Variants in SCRN1 observed in about 807,000 individuals in gnomAD.
SCRN1 encodes secernin 1.
SCRN1 carries 19 observed loss-of-function variants against 43.3 expected under a neutral mutation model. The ratio of observed to expected loss-of-function variants is 0.44; its 90% CI spans 0.31 to 0.64. The LOEUF is 0.64. Ranked by LOEUF, SCRN1 falls within the 30% of genes least tolerant of loss-of-function variation. SCRN1 has a pLI of 0.09. For synonymous variants in SCRN1, 183 were observed against 188.9 expected, an observed-to-expected ratio of 0.97 and a Z score of 0.26; for missense variants, 447 against 524.1, an observed-to-expected ratio of 0.85 and a Z score of 1.44.
intron 6 of SCRN1, among the ~76,000 whole-genome samples, chr7:29,935,625 T>C (rs1323624041): frequency 1.3e-5 from 2 of 152,224 alleles, no homozygotes; most frequent in African/African-American, 4.8e-5. Context: ...TCAAGGAATC[T>C]GTATTTTTTG....
chr7:29,959,774 G>C (rs1382539101), intron 2 of SCRN1, among the ~76,000 whole-genome samples: 1 of 152,018 alleles, frequency 6.6e-6, no homozygotes, highest in Non-Finnish European at 1.5e-5. Context: ...ACAATGCAAA[G>C]GTCTGAGATC....
Position 29,955,363 on chromosome 7 carries a change from G to GA in SCRN1, c.160-4dup, listed in dbSNP as rs34015878. ...TGGTCGATTGAAATGTAAGTGCACT[G>GA]AAAAACAAACACAGGAAAGAAAGCG... On this transcript the variant is annotated splice_region_variant and splice_polypyrimidine_tract_variant and intron_variant, in intron 2 of 7. Coordinates refer to ENST00000242059, the MANE Select transcript of SCRN1 (RefSeq NM_014766.5). 6.2e-7 allele frequency: 1 copy of GA among 1,611,858 alleles called. No individual in the cohort carries two copies. Among genetic ancestry groups the GA allele is most frequent in the Non-Finnish European group, 8.5e-7 (1 of 1,179,252 alleles).
At chr7:29,970,159 C>T (rs1478054851) in intron 1 of SCRN1, among the ~76,000 whole-genome samples, 1 of 152,210 alleles carries the variant, frequency 6.6e-6, no homozygotes, top group Non-Finnish European at 1.5e-5. Flanking sequence ...GATTTGATCA[C>T]ACCATTCCTG....
At chr7:29,961,774 G>A (rs1788324468) in intron 2 of SCRN1, among the ~76,000 whole-genome samples, 1 of 145,724 alleles carries the variant, frequency 6.9e-6, no homozygotes, top group Admixed American at 6.7e-5. Flanking sequence ...GCCGGGCAGG[G>A]GGCTGACCCC....
chr7:29,980,892 T>C (rs1788973587), intron 1 of SCRN1, among the ~76,000 whole-genome samples: 1 of 152,288 alleles, frequency 6.6e-6, no homozygotes, highest in South Asian at 2.1e-4. Context: ...TATAGGTAGG[T>C]AGATAGAAAG....
rs1476970356 is a variant in SCRN1 at position 29,989,662 on chromosome 7, C to T, written c.-22G>A. 2.4e-5 allele frequency: 24 copies of T among 985,492 alleles called. No individual in the cohort carries two copies. The highest frequency in any genetic ancestry group is 2.9e-5 in the Non-Finnish European group (24 of 830,098). The allele number at this position is 985,492 out of a possible 1,614,324, so 61.0% of individuals were successfully genotyped here. A position where few individuals can be genotyped will look rare whatever the true frequency, so the allele number is the denominator to read the frequency against. ...CTCACCTGGGGCGGCGGGCTCCGGG[C>T]TCCGCTCTCCGCTCTGCGGTGCTGA... On this transcript the variant is annotated 5_prime_UTR_variant, in exon 1 of 8. Coordinates refer to ENST00000242059, the MANE Select transcript of SCRN1 (RefSeq NM_014766.5).
At chr7:29,942,113 A>C (rs1787576361) in intron 4 of SCRN1, among the ~76,000 whole-genome samples, 1 of 152,240 alleles carries the variant, frequency 6.6e-6, no homozygotes, top group African/African-American at 2.4e-5. Flanking sequence ...ATTATAAACA[A>C]TTAAAAATAA....
chr7:29,945,872 G>A (rs1787721073), intron 3 of SCRN1, among the ~76,000 whole-genome samples: 4 of 152,156 alleles, frequency 2.6e-5, no homozygotes, highest in Non-Finnish European at 5.9e-5. Context: ...AGGAACACAG[G>A]AGTCTTAGAA....
In SCRN1 at chr7:29,959,507, C is replaced by T. The variant is rs190014672; in HGVS notation, c.160-4147G>A. ...TGTCCTCCCAATACCTGGGCTCAAG[C>T]GATCCTCCCCTCTTAGCCTCCCAAG... On this transcript the variant is annotated intron_variant, in intron 2 of 7. Coordinates refer to ENST00000242059, the MANE Select transcript of SCRN1 (RefSeq NM_014766.5). 2.7e-4 allele frequency among the ~76,000 whole-genome samples: 41 copies of T among 152,220 alleles called. No homozygotes were observed. In the East Asian group the frequency reaches 7.5e-3, roughly 28 times the overall value.
intron 3 of SCRN1, among the ~76,000 whole-genome samples, chr7:29,946,325 C>T (rs138893276): frequency 2.6e-4 from 40 of 152,310 alleles, no homozygotes; most frequent in South Asian, 1.9e-3. Flanking sequence ...GCTGTGAGTG[C>T]CTCTCAGAAC....
intron 2 of SCRN1, among the ~76,000 whole-genome samples, chr7:29,959,349 T>C (rs919648550): frequency 2.6e-5 from 4 of 152,196 alleles, no homozygotes; most frequent in African/African-American, 9.7e-5. Context: ...TTTTAAAACT[T>C]TGTAGCTCTA....
chr7:29,932,129 A>G (rs1232253528), intron 6 of SCRN1, among the ~76,000 whole-genome samples: 2 of 147,512 alleles, frequency 1.4e-5, no homozygotes. Context: ...GGGGTTTTGA[A>G]AAGTCAGATG....
chr7:29,962,691 T>C (rs1317587260), intron 2 of SCRN1, among the ~76,000 whole-genome samples: 1 of 151,514 alleles, frequency 6.6e-6, no homozygotes, highest in East Asian at 1.9e-4. Context: ...GTCTCAAACA[T>C]AAAATAAAAT....
intron 1 of SCRN1, among the ~76,000 whole-genome samples, chr7:29,987,489 C>CA (rs34154590): frequency 3.9e-5 from 6 of 152,132 alleles, no homozygotes; most frequent in African/African-American, 1.2e-4. Context: ...AATTTTTAAT[C>CA]AAAAAATGTA....
chr7:29,951,373 A>G (rs374080625), intron 3 of SCRN1, among the ~76,000 whole-genome samples: 1 of 152,226 alleles, frequency 6.6e-6, no homozygotes, highest in East Asian at 1.9e-4. Flanking sequence ...GATCCAGGCC[A>G]GTAGCATAAG....
intron 1 of SCRN1, chr7:29,988,962 G>A (rs2127936930): frequency 6.6e-6 from 1 of 152,342 alleles, no homozygotes; most frequent in South Asian, 2.1e-4. Flanking sequence ...CGAGGAGGCA[G>A]AGGCCGACCA....
intron 2 of SCRN1, among the ~76,000 whole-genome samples, chr7:29,963,812 A>T (rs938657952): frequency 3.6e-4 from 55 of 152,134 alleles, no homozygotes; most frequent in Non-Finnish European, 5.1e-4. Context: ...ATGTAGCTGT[A>T]AGAAAAAAAT....
chr7:29,984,582 A>G (rs539931759), intron 1 of SCRN1, among the ~76,000 whole-genome samples: 8 of 152,224 alleles, frequency 5.3e-5, no homozygotes, highest in African/African-American at 1.9e-4. Context: ...AAGAACAATT[A>G]TAAATAGCCA....
At chr7:29,971,251 C>G (rs901518039) in intron 1 of SCRN1, among the ~76,000 whole-genome samples, 1 of 152,190 alleles carries the variant, frequency 6.6e-6, no homozygotes, top group Non-Finnish European at 1.5e-5. Flanking sequence ...AAATGTTTTG[C>G]CACAGCCCAC....
Sources: gnomAD v4.1 joint callset for allele counts (sites outside exome capture counted in the v4.1 genomes callset) on GRCh38, gnomAD v4.1.1 for gene constraint, MANE v1.5 for transcripts, NCBI Gene and HGNC (gene_info 2026-07-23, HGNC 2026-07-21) for gene names.